Variants in DGCR2 observed in about 807,000 individuals in gnomAD.
DGCR2 encodes the protein integral membrane protein DGCR2/IDD.
DGCR2 carries 24 observed loss-of-function variants against 51.6 expected under a neutral mutation model. That is an observed-to-expected ratio of 0.47 (90% CI 0.34 to 0.65). The LOEUF (loss-of-function observed/expected upper bound fraction) is 0.65, where lower values mean the gene tolerates loss of function less well. Among genes scored for constraint, DGCR2 ranks in the 30% least tolerant of loss-of-function variants. The pLI is 0.01. For synonymous variants in DGCR2, 340 were observed against 315.4 expected (o/e 1.08, Z -0.82); for missense variants, 765 against 772.1 (o/e 0.99, Z 0.11).
intron 9 of DGCR2, among the ~76,000 whole-genome samples, chr22:19,039,391 G>T (rs761134692): frequency 2.6e-5 from 4 of 152,192 alleles, no homozygotes; most frequent in Non-Finnish European, 5.9e-5. Flanking sequence ...ACACGGGCCT[G>T]TCCCACCATC....
intron 2 of DGCR2, among the ~76,000 whole-genome samples, chr22:19,081,675 T>G (rs1165838361): frequency 6.6e-6 from 1 of 152,196 alleles, no homozygotes; most frequent in Non-Finnish European, 1.5e-5. Flanking sequence ...TCTGCAAGGA[T>G]TTTTCCAGAG....
At chr22:19,074,014 T>C (rs57475524) in intron 2 of DGCR2, among the ~76,000 whole-genome samples, 8,026 of 152,180 alleles carry the variant, frequency 0.053, 689 homozygotes, top group African/African-American at 0.18. Context: ...CTCTGACTGA[T>C]AGAGATCTGT....
At chr22:19,068,315 A>T (rs2082773995) in intron 2 of DGCR2, 90 bp from the exon 3 acceptor site, 1 of 1,381,466 alleles carries the variant, frequency 7.2e-7, no homozygotes, top group Admixed American at 3.3e-5. Flanking sequence ...CAGGGCTGCA[A>T]GGCCGGAGGG....
At chr22:19,048,749 G>A in intron 6 of DGCR2, 106 bp from the exon 7 acceptor site, 1 of 1,091,132 alleles carries the variant, frequency 9.2e-7, no homozygotes, top group African/African-American at 1.5e-5. Flanking sequence ...GTGGGCCTGT[G>A]AATGCTACCT....
intron 2 of DGCR2, among the ~76,000 whole-genome samples, chr22:19,082,326 A>G (rs2145997724): frequency 6.9e-6 from 1 of 144,888 alleles, no homozygotes; most frequent in Non-Finnish European, 1.5e-5. Context: ...TTGGTCTCCC[A>G]AAGTGCTGGG....
At chr22:19,122,030 G>T in intron 1 of DGCR2, 98 bp downstream of exon 1, 1 of 857,830 alleles carries the variant, frequency 1.2e-6, no homozygotes, top group Non-Finnish European at 1.5e-6. Context: ...CCCAGGCGCG[G>T]CCCCTGCAGG....
At position 19,122,185 on chromosome 22, in the gene DGCR2, C is replaced by T; in HGVS notation, c.22G>A (p.Gly8Ser). 6.6e-7 allele frequency: 1 copy of T among 1,510,854 alleles called. No homozygotes were observed. The highest frequency in any genetic ancestry group is 8.9e-7 in the Non-Finnish European group (1 of 1,129,088). 93.6% of individuals were successfully genotyped at this position (1,510,854 alleles called of 1,614,324 possible). A position where few individuals can be genotyped will look rare whatever the true frequency, so the allele number is the denominator to read the frequency against. The part of the protein sequence containing the change: MVPKADS[G>S]AFLLLFLLVL... ...AGCAGGAAGAGCAGCAGGAAGGCGC[C>T]GCTGTCTGCCTTGGGCACCATTTAT... The change falls in exon 1 of 10, where the codon GGC becomes AGC. Residue 8 changes from glycine (G) to serine (S), a missense_variant. By Grantham distance (56) the Gly-to-Ser change is moderately conservative (BLOSUM62 0). Coordinates refer to ENST00000263196, the MANE Select transcript of DGCR2 (RefSeq NM_005137.3).
At chr22:19,072,595 C>T (rs1004625940) in intron 2 of DGCR2, among the ~76,000 whole-genome samples, 10 of 152,168 alleles carry the variant, frequency 6.6e-5, no homozygotes, top group African/African-American at 1.9e-4. Flanking sequence ...GAGCATGGAC[C>T]GGGCACGGTG....
rs968811892 is a variant in DGCR2 at position 19,037,715 on chromosome 22, A to G, written c.*1150T>C. 2.0e-5 allele frequency: 3 copies of G among 152,380 alleles called. No homozygotes were observed. The highest frequency in any genetic ancestry group is 6.5e-5 in the Admixed American group (1 of 15,284). The allele number at this position is 152,380 out of a possible 1,614,324, so 9.4% of individuals were successfully genotyped here. On this transcript the variant is annotated 3_prime_UTR_variant, in exon 10 of 10. Transcript: ENST00000263196. Reference sequence around the variant, plus strand: ...AATCTCCAAACCTCAGAAATGTTAAAGGCCCTGTGTCAGGCAACAAAACCA... The same window carrying G: ...AATCTCCAAACCTCAGAAATGTTAAGGGCCCTGTGTCAGGCAACAAAACCA...
At chr22:19,105,254 G>A (rs2083249642) in intron 1 of DGCR2, among the ~76,000 whole-genome samples, 1 of 152,186 alleles carries the variant, frequency 6.6e-6, no homozygotes, top group Non-Finnish European at 1.5e-5. Flanking sequence ...AACCTGGGAG[G>A]CAGAGGTTGC....
At chr22:19,083,696 C>A (rs181230794) in intron 2 of DGCR2, among the ~76,000 whole-genome samples, 2,053 of 114,298 alleles carry the variant, frequency 0.018, 84 homozygotes, top group East Asian at 0.066. Context: ...CCCTCTCCCC[C>A]CTCCCCCTCC....
intron 5 of DGCR2, chr22:19,061,620 G>A (rs2082664220): frequency 6.6e-6 from 1 of 152,168 alleles, no homozygotes. Flanking sequence ...TTTAAGCCCA[G>A]AACCACTCAT....
intron 1 of DGCR2, among the ~76,000 whole-genome samples, chr22:19,107,689 CT>C (rs1296471047): frequency 6.6e-6 from 1 of 152,214 alleles, no homozygotes; most frequent in African/African-American, 2.4e-5. Flanking sequence ...ATGAGTGACA[CT>C]TTCAAGAAAA....
chr22:19,052,022 G>A (rs1239722241), intron 6 of DGCR2, among the ~76,000 whole-genome samples: 1 of 152,188 alleles, frequency 6.6e-6, no homozygotes, highest in Non-Finnish European at 1.5e-5. Context: ...AAATAGTACA[G>A]CCACTCTGGA....
intron 1 of DGCR2, among the ~76,000 whole-genome samples, chr22:19,096,044 T>C (rs62221750): frequency 0.094 from 14,347 of 152,214 alleles, 734 homozygotes; most frequent in Middle Eastern, 0.15. Context: ...AAATCAGCAA[T>C]TGGGACATGC....
At chr22:19,071,604 C>T (rs2082816064) in intron 2 of DGCR2, among the ~76,000 whole-genome samples, 2 of 152,178 alleles carry the variant, frequency 1.3e-5, no homozygotes, top group Non-Finnish European at 1.5e-5. Flanking sequence ...CGCCCAAAGC[C>T]CCCTGCAAAA....
intron 6 of DGCR2, among the ~76,000 whole-genome samples, chr22:19,051,088 G>A (rs1601514288): frequency 6.6e-6 from 1 of 150,382 alleles, no homozygotes; most frequent in Non-Finnish European, 1.5e-5. Flanking sequence ...ACTTGGGAAG[G>A]TGAGGCACAA....
Position 19,036,557 on chromosome 22 carries a change from T to C in DGCR2, c.*2308A>G, listed in dbSNP as rs182136339. 3 of 152,482 alleles carry C rather than the reference T, an allele frequency of 2.0e-5. No homozygotes were observed. Among genetic ancestry groups the C allele is most frequent in the Admixed American group, 2.0e-4 (3 of 15,302 alleles). The allele number at this position is 152,482 out of a possible 1,614,324, so 9.4% of individuals were successfully genotyped here. On this transcript the variant is annotated 3_prime_UTR_variant, in exon 10 of 10. Transcript: ENST00000263196. ...TGACCCCGGGACTTGCTGGTCAGACTGGGGACTGCAGCAGGCCTTGCAAAG... is the reference window on the plus strand; with the variant it reads ...TGACCCCGGGACTTGCTGGTCAGACCGGGGACTGCAGCAGGCCTTGCAAAG...
intron 1 of DGCR2, among the ~76,000 whole-genome samples, chr22:19,106,057 G>A (rs2083258467): frequency 6.6e-6 from 1 of 151,976 alleles, no homozygotes; most frequent in Non-Finnish European, 1.5e-5. Flanking sequence ...CACGCAGGGA[G>A]ACTGGCTTGG....
Sources: gnomAD v4.1 joint callset for allele counts (sites outside exome capture counted in the v4.1 genomes callset) on GRCh38, gnomAD v4.1.1 for gene constraint, MANE v1.5 for transcripts, NCBI Gene and HGNC (gene_info 2026-07-23, HGNC 2026-07-21) for gene names.